Variants in IL22RA2 observed in about 807,000 individuals in gnomAD.
IL22RA2 encodes interleukin 22 receptor subunit alpha 2.
A neutral mutation model predicts 30.7 loss-of-function variants in IL22RA2; 39 were observed. The observed-to-expected ratio is 1.27, with a 90% CI of 0.98 to 1.66. The LOEUF is 1.66. Ranked by LOEUF, IL22RA2 falls within the 40% of genes most tolerant of loss-of-function variation. IL22RA2 has a pLI of 0.00. For missense variants in IL22RA2, 315 were observed against 312.7 expected (o/e 1.01, Z -0.05); for synonymous variants, 103 against 105.0 (o/e 0.98, Z 0.11).
chr6:137,152,031 T>C (rs1354713471), intron 5 of IL22RA2, among the ~76,000 whole-genome samples: 1 of 152,170 alleles, frequency 6.6e-6, no homozygotes, highest in Non-Finnish European at 1.5e-5. Context: ...TCCACTCCTA[T>C]GTATATATTG....
chr6:137,165,381 A>G (rs764825462), intron 1 of IL22RA2, among the ~76,000 whole-genome samples: 18 of 152,162 alleles, frequency 1.2e-4, no homozygotes, highest in Non-Finnish European at 2.4e-4. Context: ...GGAAGTTAGA[A>G]GGGTTTGAAG....
At chr6:137,172,326 A>G (rs911790732) in intron 1 of IL22RA2, among the ~76,000 whole-genome samples, 10 of 152,190 alleles carry the variant, frequency 6.6e-5, no homozygotes, top group Non-Finnish European at 1.3e-4. Context: ...ATATTTAAGA[A>G]CTGAATTCTC....
In IL22RA2 at chr6:137,155,070, C is replaced by A. The variant is rs777342093; in HGVS notation, c.343G>T (p.Glu115Ter). The change falls in exon 5 of 7, where the codon GAA (glutamate) becomes TAA (stop). Residue 115 changes from glutamate (E) to a stop codon, truncating the protein, a stop_gained. Coordinates refer to ENST00000296980, the MANE Select transcript of IL22RA2 (RefSeq NM_052962.3). LOFTEE classifies it high-confidence loss of function. ...TCACTGGTAAGGTCACAAGAGAGTTCTTGAGTACCCCAACAGTCTTCTTTA... is the reference window on the plus strand; with the variant it reads ...TCACTGGTAAGGTCACAAGAGAGTTATTGAGTACCCCAACAGTCTTCTTTA... ...KNKEDCWGTQ[E>*]LSCDLTSETS... The A allele has an allele frequency of 2.5e-6, 4 of 1,612,034 alleles. No individual in the cohort carries two copies. Among genetic ancestry groups the A allele is most frequent in the Admixed American group, 1.7e-5 (1 of 59,672 alleles).
chr6:137,160,156 C>A (rs1432290953), intron 2 of IL22RA2, among the ~76,000 whole-genome samples: 1 of 152,204 alleles, frequency 6.6e-6, no homozygotes, highest in Non-Finnish European at 1.5e-5. Context: ...GCACAATTTC[C>A]TGAAGGCCTG....
intron 2 of IL22RA2, among the ~76,000 whole-genome samples, chr6:137,158,691 A>G (rs961596355): frequency 6.6e-6 from 1 of 152,152 alleles, no homozygotes. Flanking sequence ...TGAGTTCCAG[A>G]TCATAAACAT....
At chr6:137,163,848 G>T (rs1778574840) in intron 1 of IL22RA2, among the ~76,000 whole-genome samples, 4 of 152,176 alleles carry the variant, frequency 2.6e-5, no homozygotes, top group African/African-American at 2.4e-5. Context: ...TCTCGGGAGA[G>T]ACCAAGGCGG....
chr6:137,151,769 G>A (rs2114358017), intron 5 of IL22RA2, among the ~76,000 whole-genome samples: 1 of 152,172 alleles, frequency 6.6e-6, no homozygotes, highest in Middle Eastern at 3.4e-3. Context: ...TCCAAGGAAG[G>A]TACAAAATAG....
intron 1 of IL22RA2, among the ~76,000 whole-genome samples, chr6:137,165,483 G>A (rs1224110802): frequency 6.6e-6 from 1 of 152,204 alleles, no homozygotes; most frequent in Non-Finnish European, 1.5e-5. Flanking sequence ...GCAGAGCTAA[G>A]GAAAAGGCAG....
At chr6:137,171,787 T>C (rs1210028045) in intron 1 of IL22RA2, among the ~76,000 whole-genome samples, 1 of 152,220 alleles carries the variant, frequency 6.6e-6, no homozygotes. Flanking sequence ...ATTTCAGTTA[T>C]TGGAGGGCAG....
At chr6:137,147,593 A>T in intron 6 of IL22RA2, 129 bp downstream of exon 6, 1 of 755,888 alleles carries the variant, frequency 1.3e-6, no homozygotes, top group Non-Finnish European at 2.0e-6. Flanking sequence ...GCTGAGAGTA[A>T]GAAGAAATTA....
chr6:137,161,771 G>A lies in IL22RA2; in HGVS notation c.-22C>T. ...TCATGGTTGCAAGTGTGACTGTTCA[G>A]GCAACCAGTGTTCCTTTTAACCAGC... On this transcript the variant is annotated 5_prime_UTR_variant, in exon 2 of 7. Coordinates refer to ENST00000296980, the MANE Select transcript of IL22RA2 (RefSeq NM_052962.3). The A allele has an allele frequency of 6.2e-7, 1 of 1,604,690 alleles. No individual in the cohort carries two copies. The highest frequency in any genetic ancestry group is 2.2e-5 in the East Asian group (1 of 44,612).
intron 6 of IL22RA2, among the ~76,000 whole-genome samples, chr6:137,146,101 G>A (rs1168535765): frequency 2.0e-5 from 3 of 152,066 alleles, no homozygotes; most frequent in East Asian, 1.9e-4. Context: ...TCACCATCTC[G>A]GCTCACTGCA....
intron 5 of IL22RA2, among the ~76,000 whole-genome samples, chr6:137,154,501 G>T (rs901983038): frequency 6.6e-6 from 1 of 152,116 alleles, no homozygotes; most frequent in Non-Finnish European, 1.5e-5. Context: ...TGTAATCCTA[G>T]CTACTCGGGA....
intron 5 of IL22RA2, among the ~76,000 whole-genome samples, chr6:137,152,513 G>A (rs1188793291): frequency 6.6e-6 from 1 of 152,212 alleles, no homozygotes. Context: ...ACTCTATAGA[G>A]ACAGAAAGAT....
In IL22RA2 at chr6:137,155,204, C is replaced by T. The variant is rs1240128611; in HGVS notation, c.294-85G>A. ...ATTTTCAGACTAATAATTTTTTATA[C>T]CTGATTCTAGTAGCAATACCACCAT... On this transcript the variant is annotated intron_variant, in intron 4 of 6. Coordinates refer to ENST00000296980, the MANE Select transcript of IL22RA2 (RefSeq NM_052962.3). 1.1e-5 allele frequency: 11 copies of T among 999,046 alleles called. 1 individual carries two copies. The highest frequency in any genetic ancestry group is 1.7e-5 in the African/African-American group (1 of 60,006). The allele number at this position is 999,046 out of a possible 1,614,324, so 61.9% of individuals were successfully genotyped here.
At position 137,156,755 on chromosome 6, in the gene IL22RA2, G is replaced by A. The variant is rs1449300196; in HGVS notation, c.293+4C>T. 3 of 1,613,088 alleles carry A rather than the reference G, an allele frequency of 1.9e-6. No individual in the cohort carries two copies. Among genetic ancestry groups the A allele is most frequent in the South Asian group, 1.1e-5 (1 of 91,030 alleles). On this transcript the variant is annotated splice_donor_region_variant and intron_variant, in intron 4 of 6. Transcript: ENST00000296980. ...TAGGTAATTGATAAGGAAAAGAGGTGTACTTAGCCAATGTTCTGCAGCCTG... is the reference window on the plus strand; with the variant it reads ...TAGGTAATTGATAAGGAAAAGAGGTATACTTAGCCAATGTTCTGCAGCCTG...
At chr6:137,148,398 T>C (rs1193782290) in intron 5 of IL22RA2, among the ~76,000 whole-genome samples, 1 of 152,160 alleles carries the variant, frequency 6.6e-6, no homozygotes, top group Non-Finnish European at 1.5e-5. Context: ...TTATTGACAG[T>C]GTAGCCCTTG....
intron 5 of IL22RA2, among the ~76,000 whole-genome samples, chr6:137,152,846 A>G (rs1778317208): frequency 6.6e-6 from 1 of 152,192 alleles, no homozygotes; most frequent in Non-Finnish European, 1.5e-5. Context: ...AGACTTAACA[A>G]TATGGATCTC....
chr6:137,165,375 G>A (rs1778607391), intron 1 of IL22RA2, among the ~76,000 whole-genome samples: 1 of 152,194 alleles, frequency 6.6e-6, no homozygotes, highest in South Asian at 2.1e-4. Flanking sequence ...GACATCGGAA[G>A]TTAGAAGGGT....
Sources: allele counts gnomAD v4.1 joint callset (sites outside exome capture counted in the v4.1 genomes callset), GRCh38; gene constraint gnomAD v4.1.1; transcripts MANE v1.5; gene names NCBI Gene and HGNC (gene_info 2026-07-23, HGNC 2026-07-21).